The following SEMA6C variants were observed in gnomAD, a reference collection of about 807,000 sequenced individuals.
The protein encoded by SEMA6C is semaphorin 6C, also known as semaphorin-6C.
Under a neutral mutation model 72.9 loss-of-function variants are expected in SEMA6C, and 37 were observed. The observed-to-expected ratio is 0.51, with a 90% CI of 0.39 to 0.67. The LOEUF is 0.67. SEMA6C is among the 30% of genes least tolerant of loss of function. The probability of loss-of-function intolerance (pLI) is 0.00; values close to 1 mark genes in which losing one functional copy is unlikely to be tolerated. For synonymous variants in SEMA6C, 578 were observed against 554.1 expected (o/e 1.04, Z -0.61); for missense variants, 1,189 against 1,263.6 (o/e 0.94, Z 0.89).
In SEMA6C at chr1:151,132,886, C is replaced by A; in HGVS notation, c.2391G>T (p.Pro797=). 1 of 1,305,518 alleles carries A rather than the reference C, an allele frequency of 7.7e-7. No individual in the cohort carries two copies. Among genetic ancestry groups the A allele is most frequent in the Non-Finnish European group, 9.7e-7 (1 of 1,027,010 alleles). 80.9% of individuals were successfully genotyped at this position (1,305,518 alleles called of 1,614,324 possible). The change falls in exon 19 of 19, where the codon CCG becomes CCT. Residue 797 remains proline, a synonymous_variant. Coordinates refer to ENST00000368914, the MANE Select transcript of SEMA6C (RefSeq NM_030913.6). ...CGCCCAAGAGGGCGGGGGCGGGCTC[C>A]GGCGGGAGCGCCCGCGAGGTTAAAG... is the stretch of plus-strand genomic sequence containing the variant. ...PAPLTSRALP[P]EPAPALLGGP...
intron 10 of SEMA6C, among the ~76,000 whole-genome samples, chr1:151,137,277 C>G (rs1431853360): frequency 2.0e-5 from 3 of 152,016 alleles, no homozygotes; most frequent in Non-Finnish European, 1.5e-5. Context: ...AACCCCATCT[C>G]TACTAAAAAT....
At chr1:151,135,828 C>A in intron 13 of SEMA6C, 64 bp from the exon 14 acceptor site, 2 of 1,574,256 alleles carry the variant, frequency 1.3e-6, no homozygotes, top group South Asian at 2.3e-5. Flanking sequence ...TCAGGGAGAG[C>A]CCAACTGCCT....
chr1:151,132,318 ACAGT>A lies in SEMA6C; in HGVS notation c.*162_*165del. ...TCTTCTGTCGAGGACAGGGGGAAAG[ACAGT>A]CAATAAATAAACCCGAGGCGAAAAG... On this transcript the variant is annotated 3_prime_UTR_variant, in exon 19 of 19. Coordinates refer to ENST00000368914, the MANE Select transcript of SEMA6C (RefSeq NM_030913.6). The A allele has an allele frequency of 6.5e-7, 1 of 1,540,302 alleles. No homozygotes were observed. Among genetic ancestry groups the A allele is most frequent in the Non-Finnish European group, 8.7e-7 (1 of 1,145,984 alleles).
chr1:151,132,749 C>T lies in SEMA6C; in HGVS notation c.2528G>A (p.Arg843Gln). The change falls in exon 19 of 19, where the codon CGG becomes CAG. Residue 843 changes from arginine (R) to glutamine (Q), a missense_variant. Arg to Gln is a conservative substitution (Grantham distance 43). Coordinates refer to ENST00000368914, the MANE Select transcript of SEMA6C (RefSeq NM_030913.6). ...ARPALSAPAP[R>Q]LGVGGGRRLP... Reference sequence around the variant, plus strand: ...CCTCCGGCCTCCGCCGACGCCCAGCCGGGGAGCGGGGGCGGAGAGCGCGGG... The same window carrying T: ...CCTCCGGCCTCCGCCGACGCCCAGCTGGGGAGCGGGGGCGGAGAGCGCGGG... The T allele has an allele frequency of 6.9e-7, 1 of 1,443,608 alleles. No homozygotes were observed. Among genetic ancestry groups the T allele is most frequent in the Non-Finnish European group, 9.1e-7 (1 of 1,098,206 alleles). The allele number at this position is 1,443,608 out of a possible 1,614,324, so 89.4% of individuals were successfully genotyped here.
chr1:151,137,592 T>G, intron 10 of SEMA6C, 119 bp downstream of exon 10: 1 of 808,236 alleles, frequency 1.2e-6, no homozygotes, highest in Non-Finnish European at 2.0e-6. Flanking sequence ...AGTTGAGGGG[T>G]GAGAGTCCAG....
chr1:151,141,158 T>C (rs1243578630), intron 3 of SEMA6C, among the ~76,000 whole-genome samples: 2 of 152,100 alleles, frequency 1.3e-5, no homozygotes, highest in African/African-American at 4.8e-5. Flanking sequence ...GAACTGCAAA[T>C]AGATAAAGGT....
chr1:151,133,467 G>T lies in SEMA6C; in HGVS notation c.1810C>A (p.Pro604Thr). 1 of 1,552,880 alleles carries T rather than the reference G, an allele frequency of 6.4e-7. No individual in the cohort carries two copies. The highest frequency in any genetic ancestry group is 8.7e-7 in the Non-Finnish European group (1 of 1,154,718). Residue 604 changes from proline to threonine, a missense_variant, in exon 19 of 19, where the codon CCA becomes ACA. By Grantham distance (38) the Pro-to-Thr change is conservative (BLOSUM62 -1). This residue lies in a region of SEMA6C where 721 missense variants were observed against 686.2 expected (regional missense o/e 1.05). Coordinates refer to ENST00000368914, the MANE Select transcript of SEMA6C (RefSeq NM_030913.6). The surrounding 1 kb of genome is among the most constrained non-coding windows in gnomAD (Gnocchi z 5.9). ...PASASRSVPI[P>T]LLLASVAAAF... ...GCGGCCACACTGGCCAGGAGGAGTGGGATGGGGACGGAGCGGGAGGCCGAG... is the reference window on the plus strand; with the variant it reads ...GCGGCCACACTGGCCAGGAGGAGTGTGATGGGGACGGAGCGGGAGGCCGAG...
At chr1:151,135,429 C>A in intron 14 of SEMA6C, 120 bp from the exon 15 acceptor site, 1 of 1,458,802 alleles carries the variant, frequency 6.9e-7, no homozygotes, top group East Asian at 2.3e-5. Context: ...TGGAGCTGCC[C>A]CGCCCTACCA....
Position 151,136,868 on chromosome 1 carries a change from G to A in SEMA6C, c.963C>T (p.Thr321=). 6.2e-7 allele frequency: 1 copy of A among 1,613,742 alleles called. No individual in the cohort carries two copies. The highest frequency in any genetic ancestry group is 8.5e-7 in the Non-Finnish European group (1 of 1,179,884). ...AGCCTAGTACCAACCTATTGGTCTG[G>A]GTGGTGAAGACCCCAAAGAGAGCAG... ...GRSALFGVFT[T]QTNSIPGSAV... is the part of the protein sequence containing the mutation. Residue 321 remains threonine (T), a synonymous_variant, in exon 11 of 19, where the codon ACC becomes ACT. Transcript: ENST00000368914.
chr1:151,144,101 C>T (rs935114510), intron 2 of SEMA6C, among the ~76,000 whole-genome samples: 1 of 152,110 alleles, frequency 6.6e-6, no homozygotes, highest in Non-Finnish European at 1.5e-5. Flanking sequence ...AGCTAGCTAA[C>T]GACCCTCTGG....
chr1:151,135,184 G>C lies in SEMA6C; in HGVS notation c.1559C>G (p.Ala520Gly). ...TCACCTCTGACAGGCCCCATGCCGG[G>C]CACACCGGCTGAGAGGGAGGTAGAC... The part of the protein sequence containing the change: ...CIVYLPLSRC[A>G]RHGACQRSCL... Residue 520 changes from alanine to glycine, a missense_variant, in exon 15 of 19, where the codon GCC becomes GGC. Transcript: ENST00000368914. 1 of 1,613,976 alleles carries C rather than the reference G, an allele frequency of 6.2e-7. No homozygotes were observed. Among genetic ancestry groups the C allele is most frequent in the African/African-American group, 1.3e-5 (1 of 75,026 alleles).
chr1:151,137,627 T>C (rs1397149991), intron 10 of SEMA6C, 84 bp downstream of exon 10: 1 of 1,112,206 alleles, frequency 9.0e-7, no homozygotes, highest in Non-Finnish European at 1.3e-6. Flanking sequence ...GAGATTATGG[T>C]CAGGAGATCT....
chr1:151,132,313 G>A lies in SEMA6C; in HGVS notation c.*171C>T, dbSNP rs1432109263. ...CCCACTCTTCTGTCGAGGACAGGGG[G>A]AAAGACAGTCAATAAATAAACCCGA... On this transcript the variant is annotated 3_prime_UTR_variant, in exon 19 of 19. Transcript: ENST00000368914. 3.2e-6 allele frequency: 5 copies of A among 1,538,912 alleles called. No individual in the cohort carries two copies. Among genetic ancestry groups the A allele is most frequent in the South Asian group, 1.2e-5 (1 of 83,136 alleles).
intron 5 of SEMA6C, 60 bp downstream of exon 5, chr1:151,139,576 CCA>C: frequency 6.2e-7 from 1 of 1,605,684 alleles, no homozygotes. Flanking sequence ...CCCACCTGAC[CCA>C]CATTAGACCT....
In SEMA6C at chr1:151,138,079, C is replaced by A. The variant is rs1391729449; in HGVS notation, c.574G>T (p.Ala192Ser). 2.5e-6 allele frequency: 4 copies of A among 1,614,062 alleles called. No individual in the cohort carries two copies. Among genetic ancestry groups the A allele is most frequent in the Admixed American group, 3.3e-5 (2 of 60,002 alleles). Reference sequence around the variant, plus strand: ...ACAGCATCACTGGCCTGGAAATCCGCAGCTGTGGCTGAGTACAGGCTGCCC... The same window carrying A: ...ACAGCATCACTGGCCTGGAAATCCGAAGCTGTGGCTGAGTACAGGCTGCCC... The part of the protein sequence containing the change: ...AEGSLYSATA[A>S]DFQASDAVVY... The change falls in exon 9 of 19, where the codon GCG (alanine) becomes TCG (serine). Residue 192 changes from alanine to serine, a missense_variant. By Grantham distance (99) the Ala-to-Ser change is moderately conservative. This residue lies in a region of SEMA6C where 468 missense variants were observed against 577.4 expected (regional missense o/e 0.81). Coordinates refer to ENST00000368914, the MANE Select transcript of SEMA6C (RefSeq NM_030913.6).
chr1:151,139,332 G>C, intron 6 of SEMA6C, 93 bp downstream of exon 6: 1 of 1,048,878 alleles, frequency 9.5e-7, no homozygotes, highest in African/African-American at 1.6e-5. Context: ...GAAAAAGTGT[G>C]AAGGAAATTG....
In SEMA6C at chr1:151,132,585, T is replaced by C. The variant is rs1203077263; in HGVS notation, c.2692A>G (p.Lys898Glu). The C allele has an allele frequency of 3.2e-6, 5 of 1,551,398 alleles. No individual in the cohort carries two copies. In the East Asian group the frequency reaches 1.2e-4, roughly 38 times the overall value. ...RPEGYRGRAL[K>E]RVDVEKPQLS... ...TGGGGCTTCTCGACGTCCACCCTTT[T>C]CAGGGCGCGGCCCCGGTAGCCCTCG... The change falls in exon 19 of 19, where the codon AAA (lysine) becomes GAA (glutamate). Residue 898 changes from lysine to glutamate, a missense_variant. Around this residue, in one of 2 missense-constraint regions of SEMA6C, gnomAD observed 721 missense variants for 686.2 expected, o/e 1.05. Transcript: ENST00000368914.
At chr1:151,142,410 G>T in intron 3 of SEMA6C, 94 bp downstream of exon 3, 1 of 1,412,810 alleles carries the variant, frequency 7.1e-7, no homozygotes, top group Non-Finnish European at 9.9e-7. Context: ...AGCTTCCTGA[G>T]GCTGGGAGCC....
rs1682002159 is a variant in SEMA6C, at chr1:151,136,129, AG to A, written c.1140del (p.Leu381CysfsTer13). The A allele has an allele frequency of 6.2e-7, 1 of 1,613,900 alleles. No homozygotes were observed. The highest frequency in any genetic ancestry group is 1.3e-5 in the African/African-American group (1 of 74,888). On this transcript the variant is annotated frameshift_variant, in exon 13 of 19. Transcript: ENST00000368914. LOFTEE classifies it high-confidence loss of function. Reference sequence around the variant, plus strand: ...GGGAGGTCTCGGGAAGAGGAGAACAAGGCAGCTCCCCCTACTCCTGCACAGG... The same window carrying A: ...GGGAGGTCTCGGGAAGAGGAGAACAAGCAGCTCCCCCTACTCCTGCACAGG... The part of the protein sequence containing the change: ...PGSCAGVGGA[A>X]LFSSSRDLPD...
Sources: allele counts gnomAD v4.1 joint callset (sites outside exome capture counted in the v4.1 genomes callset), GRCh38; gene constraint gnomAD v4.1.1; regional missense constraint gnomAD v4.1.1; non-coding constraint Gnocchi (gnomAD v3.1); transcripts MANE v1.5; gene names NCBI Gene and HGNC (gene_info 2026-07-23, HGNC 2026-07-21).